TMEM38A: variants seen among roughly 807,000 people sequenced by gnomAD.
TMEM38A encodes the protein transmembrane protein 38A.
In TMEM38A, 17 loss-of-function variants were observed where a neutral mutation model predicts 28.6. The observed-to-expected ratio is 0.60, with a 90% confidence interval of 0.41 to 0.89. The LOEUF (loss-of-function observed/expected upper bound fraction) is 0.89, where lower values mean the gene tolerates loss of function less well. TMEM38A is among the 40% of genes least tolerant of loss of function. The probability of loss-of-function intolerance (pLI) is 0.00; values close to 1 mark genes in which losing one functional copy is unlikely to be tolerated. For missense variants in TMEM38A, 328 were observed against 393.1 expected, an observed-to-expected ratio of 0.83 and a Z score of 1.40; for synonymous variants, 169 against 166.1, an observed-to-expected ratio of 1.02 and a Z score of -0.14.
chr19:16,680,811 A>G, intron 3 of TMEM38A: 1 of 532,956 alleles, frequency 1.9e-6, no homozygotes, highest in South Asian at 2.2e-5. Context: ...GATGATGACA[A>G]AAGCCAGCAT....
intron 4 of TMEM38A, among the ~76,000 whole-genome samples, chr19:16,684,050 A>T (rs1378910370): frequency 6.6e-6 from 1 of 151,420 alleles, no homozygotes; most frequent in Non-Finnish European, 1.5e-5. Context: ...GAACCGGTTG[A>T]ACCCGGGAGG....
intron 4 of TMEM38A, among the ~76,000 whole-genome samples, chr19:16,684,679 G>T (rs2086794352): frequency 6.6e-6 from 1 of 152,146 alleles, no homozygotes; most frequent in Non-Finnish European, 1.5e-5. Flanking sequence ...TCCATGATTT[G>T]CTAGAAGGAC....
chr19:16,677,113 T>A (rs2122589454), intron 1 of TMEM38A, among the ~76,000 whole-genome samples: 1 of 149,796 alleles, frequency 6.7e-6, no homozygotes, highest in South Asian at 2.1e-4. Context: ...ACCTAAGGAC[T>A]CAGCAATGGG....
intron 1 of TMEM38A, among the ~76,000 whole-genome samples, chr19:16,672,445 C>CTTT (rs1491240988): frequency 9.0e-5 from 9 of 100,426 alleles, no homozygotes; most frequent in African/African-American, 6.1e-4. Context: ...AAAAAAACCT[C>CTTT]ATTTTTTTTT....
intron 1 of TMEM38A, among the ~76,000 whole-genome samples, chr19:16,663,560 G>T (rs377381976): frequency 6.7e-6 from 1 of 149,338 alleles, no homozygotes; most frequent in Non-Finnish European, 1.5e-5. Context: ...ACGGAGTCTC[G>T]CTCTGTCGCC....
At chr19:16,686,452 C>T (rs201748084) in intron 5 of TMEM38A, 47 bp downstream of exon 5, 3 of 1,483,092 alleles carry the variant, frequency 2.0e-6, no homozygotes, top group Middle Eastern at 1.7e-4. Context: ...CCAATGCCAC[C>T]CTGCCACCTC....
At chr19:16,682,298 C>T (rs2086784977) in intron 3 of TMEM38A, 123 bp from the exon 4 acceptor site, 1 of 745,532 alleles carries the variant, frequency 1.3e-6, no homozygotes, top group African/African-American at 1.7e-5. Flanking sequence ...ATCATACACC[C>T]CCAGGCTCAG....
At chr19:16,671,403 A>G (rs775553360) in intron 1 of TMEM38A, among the ~76,000 whole-genome samples, 25 of 151,966 alleles carry the variant, frequency 1.6e-4, no homozygotes, top group Non-Finnish European at 2.9e-5. Flanking sequence ...GGGTTTCACC[A>G]TGTTGGCCAG....
intron 4 of TMEM38A, 76 bp from the exon 5 acceptor site, chr19:16,686,212 G>C (rs1381108818): frequency 9.7e-7 from 1 of 1,034,938 alleles, no homozygotes; most frequent in Non-Finnish European, 1.5e-6. Context: ...TGCCAGGGCA[G>C]GGGGGTGTCT....
At chr19:16,683,969 T>TA (rs111516855) in intron 4 of TMEM38A, among the ~76,000 whole-genome samples, 26,176 of 134,224 alleles carry the variant, frequency 0.2, 3,201 homozygotes, top group African/African-American at 0.35. Flanking sequence ...AAATTCCATC[T>TA]CAAAAAAAAA....
At chr19:16,683,199 C>G (rs940688202) in intron 4 of TMEM38A, among the ~76,000 whole-genome samples, 3 of 152,084 alleles carry the variant, frequency 2.0e-5, no homozygotes, top group African/African-American at 7.2e-5. Context: ...GTCTGGAACT[C>G]CTGACCTCAA....
intron 1 of TMEM38A, among the ~76,000 whole-genome samples, chr19:16,662,598 C>A (rs983435511): frequency 6.6e-6 from 1 of 151,258 alleles, no homozygotes; most frequent in Non-Finnish European, 1.5e-5. Context: ...GGACTACAGG[C>A]ACCCGCCACT....
chr19:16,683,845 C>T (rs574140814), intron 4 of TMEM38A, among the ~76,000 whole-genome samples: 42 of 152,070 alleles, frequency 2.8e-4, no homozygotes, highest in African/African-American at 9.4e-4. Flanking sequence ...TGGTGCATGC[C>T]TGTAATCCCA....
At chr19:16,684,944 G>C (rs2086795705) in intron 4 of TMEM38A, among the ~76,000 whole-genome samples, 1 of 151,804 alleles carries the variant, frequency 6.6e-6, no homozygotes, top group Admixed American at 6.6e-5. Context: ...AGCTACTTGG[G>C]GGGCTGAGGT....
intron 1 of TMEM38A, among the ~76,000 whole-genome samples, chr19:16,669,249 C>T (rs1446712950): frequency 6.6e-6 from 1 of 151,134 alleles, no homozygotes; most frequent in African/African-American, 2.4e-5. Context: ...ACTCTGTTGC[C>T]AGGCTGGAGT....
chr19:16,679,252 C>T (rs918468319), intron 1 of TMEM38A, among the ~76,000 whole-genome samples: 3 of 128,388 alleles, frequency 2.3e-5, no homozygotes, highest in Non-Finnish European at 5.0e-5. Flanking sequence ...TCTTTTGTTT[C>T]GTGTGTGTGT....
At chr19:16,676,082 C>T (rs139426171) in intron 1 of TMEM38A, among the ~76,000 whole-genome samples, 40 of 149,722 alleles carry the variant, frequency 2.7e-4, no homozygotes, top group African/African-American at 5.6e-4. Flanking sequence ...ACATTTTGGC[C>T]GGGCGCGGTG....
chr19:16,685,049 T>TATAAATAAATAAATAAATAAATAAATAA lies in TMEM38A; in HGVS notation c.555-1239_555-1238insATAAATAAATAAATAAATAAATAAATAA, dbSNP rs202015834. On this transcript the variant is annotated intron_variant, in intron 4 of 5. Coordinates refer to ENST00000187762, the MANE Select transcript of TMEM38A (RefSeq NM_024074.4). ...GGGTGATAGAGAGAGACCCTGTCTC[T>TATAAATAAATAAATAAATAAATAAATAA]GTAAATAAATAAATAAATAAATAAA... 3.9e-4 allele frequency among the ~76,000 whole-genome samples: 53 copies of TATAAATAAATAAATAAATAAATAAATAA among 136,572 alleles called. 1 individual carries two copies. Among genetic ancestry groups the TATAAATAAATAAATAAATAAATAAATAA allele is most frequent in the African/African-American group, 1.2e-3 (44 of 35,844 alleles). 89.6% of individuals were successfully genotyped at this position (136,572 alleles called of 152,430 possible). A position where few individuals can be genotyped will look rare whatever the true frequency, so the allele number is the denominator to read the frequency against.
chr19:16,663,737 C>T (rs1359495757), intron 1 of TMEM38A, among the ~76,000 whole-genome samples: 1 of 151,500 alleles, frequency 6.6e-6, no homozygotes, highest in East Asian at 1.9e-4. Flanking sequence ...AGGGTTTCAC[C>T]GTATTAGCCA....
Sources: gnomAD v4.1 joint callset for allele counts (sites outside exome capture counted in the v4.1 genomes callset) on GRCh38, gnomAD v4.1.1 for gene constraint, MANE v1.5 for transcripts, NCBI Gene and HGNC (gene_info 2026-07-23, HGNC 2026-07-21) for gene names.